Variants in FGD5 observed in about 807,000 individuals in gnomAD.
FGD5 encodes FYVE, RhoGEF and PH domain containing 5.
In FGD5, 28 loss-of-function variants were observed where a neutral mutation model predicts 133.4. The observed-to-expected ratio is 0.21, with a 90% confidence interval of 0.16 to 0.29. The LOEUF is 0.29. Among genes scored for constraint, FGD5 ranks in the 10% least tolerant of loss-of-function variants. The pLI is 1.00. For missense variants in FGD5, 1,858 were observed against 1,895.2 expected (o/e 0.98, Z 0.36); for synonymous variants, 810 against 776.5 (o/e 1.04, Z -0.72).
At chr3:14,891,036 G>T (rs1219302260) in intron 4 of FGD5, among the ~76,000 whole-genome samples, 2 of 152,210 alleles carry the variant, frequency 1.3e-5, no homozygotes, top group Admixed American at 1.3e-4. Context: ...ACAAATGAGA[G>T]TGTGTTGAAA....
intron 2 of FGD5, among the ~76,000 whole-genome samples, chr3:14,871,239 G>A (rs2037600704): frequency 1.3e-5 from 2 of 152,216 alleles, no homozygotes; most frequent in South Asian, 4.1e-4. Flanking sequence ...AGTCGTTCCA[G>A]GAGGGCAGAC....
At chr3:14,879,573 A>G (rs897085954) in intron 2 of FGD5, among the ~76,000 whole-genome samples, 5 of 152,156 alleles carry the variant, frequency 3.3e-5, no homozygotes, top group Admixed American at 2.0e-4. Context: ...GCGCTCGCTC[A>G]CTCACTCACT....
At chr3:14,880,706 G>A in intron 3 of FGD5, 36 bp from the exon 4 acceptor site, 5 of 1,613,992 alleles carry the variant, frequency 3.1e-6, no homozygotes, top group Non-Finnish European at 4.2e-6. Context: ...CACAGGATGG[G>A]GATTAATGCA....
At chr3:14,822,119 A>C (rs1210537254) in intron 1 of FGD5, among the ~76,000 whole-genome samples, 2 of 152,120 alleles carry the variant, frequency 1.3e-5, no homozygotes, top group African/African-American at 4.8e-5. Context: ...AAAAAAAAGA[A>C]AAGAAAAAGA....
At chr3:14,925,385 A>T (rs1245881655) in intron 17 of FGD5, among the ~76,000 whole-genome samples, 1 of 151,942 alleles carries the variant, frequency 6.6e-6, no homozygotes, top group African/African-American at 2.4e-5. Flanking sequence ...TTTCATAATC[A>T]CATATATGTA....
intron 4 of FGD5, among the ~76,000 whole-genome samples, chr3:14,886,424 C>T (rs1042702090): frequency 1.3e-5 from 2 of 152,194 alleles, no homozygotes; most frequent in African/African-American, 4.8e-5. Flanking sequence ...ATGGCGATGG[C>T]AGGAGAAACA....
At chr3:14,900,491 C>T (rs1444933875) in intron 8 of FGD5, 38 bp downstream of exon 8, 6 of 1,607,888 alleles carry the variant, frequency 3.7e-6, no homozygotes, top group Non-Finnish European at 2.5e-6. Flanking sequence ...GTACTCAAGC[C>T]TGCTCTGCCT....
At chr3:14,873,126 T>C (rs1232538062) in intron 2 of FGD5, among the ~76,000 whole-genome samples, 1 of 152,212 alleles carries the variant, frequency 6.6e-6, no homozygotes, top group East Asian at 1.9e-4. Context: ...AGATGTTGTG[T>C]CTAAACTGAA....
chr3:14,885,598 G>A (rs2037911895), intron 4 of FGD5, among the ~76,000 whole-genome samples: 1 of 152,218 alleles, frequency 6.6e-6, no homozygotes, highest in South Asian at 2.1e-4. Flanking sequence ...CTTAAGCTGG[G>A]AGGTTGGCCA....
intron 9 of FGD5, among the ~76,000 whole-genome samples, chr3:14,906,926 G>A (rs1037334231): frequency 2.0e-5 from 3 of 152,154 alleles, no homozygotes; most frequent in Non-Finnish European, 4.4e-5. Context: ...GTGTTCTCTT[G>A]TACTTCCTAC....
chr3:14,881,682 C>T (rs2037827497), intron 4 of FGD5, among the ~76,000 whole-genome samples: 3 of 152,208 alleles, frequency 2.0e-5, no homozygotes, highest in South Asian at 4.1e-4. Context: ...TGCTTTGAAT[C>T]ATTCACCATC....
chr3:14,908,633 T>G (rs1350822574), intron 10 of FGD5, among the ~76,000 whole-genome samples: 1 of 152,130 alleles, frequency 6.6e-6, no homozygotes, highest in East Asian at 1.9e-4. Flanking sequence ...ATGCCTGTAA[T>G]CCCAGCACTT....
intron 4 of FGD5, among the ~76,000 whole-genome samples, chr3:14,896,285 T>C (rs1357792141): frequency 1.3e-5 from 2 of 151,856 alleles, no homozygotes; most frequent in African/African-American, 4.8e-5. Flanking sequence ...AGAAAAAAAG[T>C]CCTAAGATTT....
intron 11 of FGD5, among the ~76,000 whole-genome samples, chr3:14,916,812 A>G (rs1349824044): frequency 6.6e-6 from 1 of 152,200 alleles, no homozygotes; most frequent in Admixed American, 6.5e-5. Context: ...CAAACAGCAT[A>G]TACTCTTTTG....
chr3:14,847,482 C>T (rs2037072208), intron 1 of FGD5, among the ~76,000 whole-genome samples: 1 of 152,186 alleles, frequency 6.6e-6, no homozygotes, highest in South Asian at 2.1e-4. Flanking sequence ...GGATGGAGGT[C>T]TGGAGACTCA....
At position 14,921,903 on chromosome 3, in the gene FGD5, A is replaced by G; in HGVS notation, c.3570-15A>G. 1.3e-6 allele frequency: 2 copies of G among 1,556,834 alleles called. No homozygotes were observed. The highest frequency in any genetic ancestry group is 1.7e-6 in the Non-Finnish European group (2 of 1,149,938). On this transcript the variant is annotated splice_polypyrimidine_tract_variant and intron_variant, in intron 13 of 19. Transcript: ENST00000285046. ...AGCTGCTCCTGCCTTTGCTCACTCC[A>G]GCCCATGCCCGCAGCTCCTGTGCAG...
rs181007312 is a variant in FGD5, at chr3:14,876,739, G to A, written c.2659-3833G>A. On this transcript the variant is annotated intron_variant, in intron 2 of 19. Transcript: ENST00000285046. ...CTCATACAGATATGTAGTTGGAAAA[G>A]GTAGGACTTTACATACCTCAGAGGT... is the stretch of plus-strand genomic sequence containing the variant. Among the ~76,000 whole-genome samples, 25 of 152,272 alleles carry A rather than the reference G, an allele frequency of 1.6e-4. No homozygotes were observed. In the East Asian group the frequency reaches 4.8e-3, roughly 29 times the overall value.
chr3:14,835,405 C>T (rs2125080653), intron 1 of FGD5, among the ~76,000 whole-genome samples: 1 of 151,892 alleles, frequency 6.6e-6, no homozygotes, highest in Admixed American at 6.5e-5. Context: ...AAGGCTGAGG[C>T]ACAAAAATTG....
At chr3:14,885,958 G>A (rs2037918334) in intron 4 of FGD5, among the ~76,000 whole-genome samples, 1 of 152,220 alleles carries the variant, frequency 6.6e-6, no homozygotes, top group Non-Finnish European at 1.5e-5. Context: ...AACATTCTGT[G>A]TTGGTTAGGA....
Sources: allele counts gnomAD v4.1 joint callset (sites outside exome capture counted in the v4.1 genomes callset), GRCh38; gene constraint gnomAD v4.1.1; transcripts MANE v1.5; gene names NCBI Gene and HGNC (gene_info 2026-07-23, HGNC 2026-07-21).